Variants in GRIA3 observed in about 807,000 individuals in gnomAD.
GRIA3 encodes glutamate receptor 3.
Under a neutral mutation model 63.0 loss-of-function variants are expected in GRIA3, and 3 were observed. The observed-to-expected ratio is 0.05, with a 90% CI of 0.02 to 0.12. The LOEUF is 0.12. Ranked by LOEUF, GRIA3 falls within the 10% of genes least tolerant of loss-of-function variation. GRIA3 has a pLI of 1.00. For missense variants in GRIA3, 347 were observed against 700.9 expected (o/e 0.50, Z 5.70); for synonymous variants, 274 against 257.9 (o/e 1.06, Z -0.60).
At chrX:123,252,614 G>A (rs1390776229) in intron 2 of GRIA3, among the ~76,000 whole-genome samples, 2 of 111,264 alleles carry the variant, frequency 1.8e-5, no homozygotes, top group Non-Finnish European at 3.8e-5. Flanking sequence ...TTCTACATGT[G>A]GGCTAGTGGA....
At chrX:123,366,127 T>C (rs980418078) in intron 5 of GRIA3, among the ~76,000 whole-genome samples, 2 of 111,429 alleles carry the variant, frequency 1.8e-5, no homozygotes, top group African/African-American at 6.5e-5. Context: ...ATCTTGGTTT[T>C]GGTGAGATTT....
chrX:123,423,077 T>G (rs756838350), intron 11 of GRIA3, among the ~76,000 whole-genome samples: 24 of 112,224 alleles, frequency 2.1e-4, no homozygotes, highest in African/African-American at 7.8e-4. Flanking sequence ...ATGCTCCCCC[T>G]GCTGACTTTC....
At chrX:123,302,788 T>A (rs1021955890) in intron 3 of GRIA3, among the ~76,000 whole-genome samples, 1 of 111,176 alleles carries the variant, frequency 9.0e-6, no homozygotes, top group African/African-American at 3.3e-5. Flanking sequence ...GCCAGAAAGA[T>A]CCATTGAGGA....
chrX:123,307,329 G>A (rs1041907675), intron 3 of GRIA3, among the ~76,000 whole-genome samples: 10 of 112,003 alleles, frequency 8.9e-5, no homozygotes, highest in Non-Finnish European at 1.5e-4. Flanking sequence ...GCAGAAGGGA[G>A]GGACAGGGAA....
intron 12 of GRIA3, among the ~76,000 whole-genome samples, chrX:123,436,754 T>C (rs1434315298): frequency 9.0e-6 from 1 of 111,476 alleles, no homozygotes; most frequent in Non-Finnish European, 1.9e-5. Context: ...CCCCCAGATC[T>C]TTGTAAGAAC....
intron 5 of GRIA3, among the ~76,000 whole-genome samples, chrX:123,360,582 G>A (rs1221750345): frequency 1.0e-5 from 1 of 97,907 alleles, no homozygotes; most frequent in African/African-American, 3.8e-5. Flanking sequence ...TGTAGTCCCA[G>A]CTACTTGAGG....
rs891090065 is a variant in GRIA3 at position 123,250,477 on chromosome X, C to A, written c.269-2826C>A. ...GTGGATCATGGCTATAGTTTTCCTT[C>A]TTTTTAAGTTTATATTCCCCCTCAA... is the stretch of plus-strand genomic sequence containing the variant. On this transcript the variant is annotated intron_variant, in intron 2 of 15. Transcript: ENST00000620443. Among the ~76,000 whole-genome samples the A allele has an allele frequency of 2.7e-5, 3 of 111,714 alleles. No homozygotes were observed. In the East Asian group the frequency reaches 8.3e-4, roughly 31 times the overall value.
chrX:123,429,318 T>C (rs949851895), intron 12 of GRIA3, among the ~76,000 whole-genome samples: 6 of 112,322 alleles, frequency 5.3e-5, no homozygotes, highest in Non-Finnish European at 3.8e-5. Context: ...AGCAATTAAC[T>C]ACAAACAGTT....
At chrX:123,282,754 G>C (rs2044593649) in intron 3 of GRIA3, among the ~76,000 whole-genome samples, 1 of 112,128 alleles carries the variant, frequency 8.9e-6, no homozygotes, top group South Asian at 3.7e-4. Context: ...AAAAATATAA[G>C]AACTAGTTGT....
At chrX:123,422,294 T>C (rs1255748514) in intron 11 of GRIA3, among the ~76,000 whole-genome samples, 1 of 112,375 alleles carries the variant, frequency 8.9e-6, no homozygotes, top group African/African-American at 3.2e-5. Context: ...TATTCACAGC[T>C]ACCTAGAAGC....
chrX:123,399,780 T>C (rs2045435023), intron 7 of GRIA3, among the ~76,000 whole-genome samples: 1 of 111,997 alleles, frequency 8.9e-6, no homozygotes, highest in Non-Finnish European at 1.9e-5. Flanking sequence ...TCATTTTGTG[T>C]AGCTGGCTCT....
intron 3 of GRIA3, among the ~76,000 whole-genome samples, chrX:123,270,906 A>G (rs1012680570): frequency 8.9e-6 from 1 of 112,691 alleles, no homozygotes. Flanking sequence ...TATAGAAAAG[A>G]AGAAAGATAC....
intron 2 of GRIA3, among the ~76,000 whole-genome samples, chrX:123,210,888 C>T (rs909680801): frequency 8.9e-6 from 1 of 111,828 alleles, no homozygotes; most frequent in Non-Finnish European, 1.9e-5. Context: ...AGAAGAATAT[C>T]CTGTTGCTTA....
At chrX:123,430,134 T>C (rs1224084029) in intron 12 of GRIA3, among the ~76,000 whole-genome samples, 1 of 112,395 alleles carries the variant, frequency 8.9e-6, no homozygotes, top group African/African-American at 3.2e-5. Context: ...CAGAGCTGAT[T>C]TGAATCAACA....
At chrX:123,326,781 T>C (rs1402326715) in intron 4 of GRIA3, among the ~76,000 whole-genome samples, 2 of 111,507 alleles carry the variant, frequency 1.8e-5, no homozygotes, top group Non-Finnish European at 3.8e-5. Context: ...GAGAGAACAA[T>C]TTAAGACCAT....
intron 10 of GRIA3, among the ~76,000 whole-genome samples, chrX:123,412,541 G>C (rs1215424915): frequency 9.0e-6 from 1 of 111,264 alleles, no homozygotes; most frequent in Non-Finnish European, 1.9e-5. Context: ...GGTGATAGAG[G>C]GCAAGGGCTT....
At chrX:123,457,028 T>C (rs1335501176) in intron 12 of GRIA3, among the ~76,000 whole-genome samples, 1 of 111,374 alleles carries the variant, frequency 9.0e-6, no homozygotes, top group African/African-American at 3.3e-5. Flanking sequence ...AAAGAAAAAA[T>C]GGACCAAATT....
intron 12 of GRIA3, among the ~76,000 whole-genome samples, chrX:123,459,018 T>C (rs2045778642): frequency 8.9e-6 from 1 of 112,031 alleles, no homozygotes; most frequent in South Asian, 3.7e-4. Context: ...CAAATTATAC[T>C]TTCTTTATTA....
Position 123,317,671 on chromosome X carries a change from C to A in GRIA3, c.509-8355C>A, listed in dbSNP as rs185448653. Among the ~76,000 whole-genome samples the A allele has an allele frequency of 1.7e-3, 194 of 112,157 alleles. 1 individual carries two copies. The highest frequency in any genetic ancestry group is 5.9e-3 in the African/African-American group (182 of 30,856). ...GTTCCCATGGTCGTGGGCAGCTCCA[C>A]CCCTGTGGCTTTGCAGGGTACAGCC... On this transcript the variant is annotated intron_variant, in intron 3 of 15. Coordinates refer to ENST00000620443, the MANE Select transcript of GRIA3 (RefSeq NM_007325.5).
Sources: gnomAD v4.1 joint callset for allele counts (sites outside exome capture counted in the v4.1 genomes callset) on GRCh38, gnomAD v4.1.1 for gene constraint, MANE v1.5 for transcripts, NCBI Gene and HGNC (gene_info 2026-07-23, HGNC 2026-07-21) for gene names.